The following SMYD1 variants were observed in gnomAD, a reference collection of about 807,000 sequenced individuals.
SMYD1 encodes the protein SET and MYND domain containing 1.
A neutral mutation model predicts 54.0 loss-of-function variants in SMYD1; 49 were observed. The observed-to-expected ratio is 0.91, with a 90% CI of 0.72 to 1.15. The LOEUF (loss-of-function observed/expected upper bound fraction) is 1.15, where lower values mean the gene tolerates loss of function less well. SMYD1 is among the 50% of genes most tolerant of loss of function. The probability of loss-of-function intolerance (pLI) is 0.00; values close to 1 mark genes in which losing one functional copy is unlikely to be tolerated. For missense variants in SMYD1, 653 were observed against 639.6 expected, an observed-to-expected ratio of 1.02 and a Z score of -0.23; for synonymous variants, 269 against 234.2, an observed-to-expected ratio of 1.15 and a Z score of -1.36.
chr2:88,069,845 A>G (rs1673907803), intron 1 of SMYD1, among the ~76,000 whole-genome samples: 1 of 152,202 alleles, frequency 6.6e-6, no homozygotes, highest in Non-Finnish European at 1.5e-5. Flanking sequence ...TAATTTTGAC[A>G]TCTTCTGTGC....
At chr2:88,070,942 CAAAAAAAAA>C (rs61024525) in intron 1 of SMYD1, among the ~76,000 whole-genome samples, 26 of 60,132 alleles carry the variant, frequency 4.3e-4, no homozygotes, top group Non-Finnish European at 7.2e-4. Context: ...GACTATTTCT[CAAAAAAAAA>C]AAAAAAAAAA....
intron 5 of SMYD1, 123 bp downstream of exon 5, chr2:88,093,678 C>T (rs538439379): frequency 1.9e-4 from 199 of 1,021,276 alleles, no homozygotes; most frequent in Non-Finnish European, 2.9e-4. Context: ...CCTTCTGCAT[C>T]CCAGTGTCTC....
intron 2 of SMYD1, among the ~76,000 whole-genome samples, chr2:88,086,951 A>C (rs1257723044): frequency 2.0e-5 from 3 of 148,910 alleles, no homozygotes; most frequent in Non-Finnish European, 4.5e-5. Flanking sequence ...GTCATCTAGC[A>C]TTAGGTACAT....
At chr2:88,083,119 T>A (rs1674237669) in intron 1 of SMYD1, 1 of 152,170 alleles carries the variant, frequency 6.6e-6, no homozygotes, top group African/African-American at 2.4e-5. Context: ...CTGTTTAGAC[T>A]GTGGACATCT....
At chr2:88,088,219 A>T in intron 3 of SMYD1, 144 bp downstream of exon 3, 1 of 1,000,432 alleles carries the variant, frequency 1.0e-6, no homozygotes, top group Non-Finnish European at 1.4e-6. Context: ...CTATTTCCAT[A>T]AAGGTCTCAT....
chr2:88,086,477 C>T (rs544948682), intron 2 of SMYD1, among the ~76,000 whole-genome samples: 1 of 152,198 alleles, frequency 6.6e-6, no homozygotes, highest in African/African-American at 2.4e-5. Flanking sequence ...GTGAAGTATA[C>T]CCCTTTGTCT....
chr2:88,071,578 C>T (rs143293659), intron 1 of SMYD1, among the ~76,000 whole-genome samples: 1 of 152,310 alleles, frequency 6.6e-6, no homozygotes, highest in Non-Finnish European at 1.5e-5. Context: ...CACCTTCCTC[C>T]TGAACTCCAA....
chr2:88,078,229 C>T (rs992712917), intron 1 of SMYD1, among the ~76,000 whole-genome samples: 2 of 152,214 alleles, frequency 1.3e-5, no homozygotes, highest in Non-Finnish European at 2.9e-5. Context: ...TATCCAGTGC[C>T]AGGCTCTGTG....
intron 1 of SMYD1, among the ~76,000 whole-genome samples, chr2:88,069,347 G>T (rs2103972681): frequency 6.6e-6 from 1 of 152,296 alleles, no homozygotes; most frequent in Non-Finnish European, 1.5e-5. Flanking sequence ...GGTGTGAACT[G>T]GGGCATATGG....
rs767776742 is a variant in SMYD1, at chr2:88,106,463, G to C, written c.1120G>C (p.Ala374Pro). 2.5e-6 allele frequency: 4 copies of C among 1,614,136 alleles called. No homozygotes were observed. Among genetic ancestry groups the C allele is most frequent in the Non-Finnish European group, 3.4e-6 (4 of 1,179,984 alleles). The part of the protein sequence containing the change: ...LQAFEEASFY[A>P]RRMVDGYMKL... Reference sequence around the variant, plus strand: ...GGCCTTTGAGGAGGCCTCGTTCTATGCCAGGAGGATGGTGGACGGCTATAT... The same window carrying C: ...GGCCTTTGAGGAGGCCTCGTTCTATCCCAGGAGGATGGTGGACGGCTATAT... Residue 374 changes from alanine (A) to proline (P), a missense_variant, in exon 8 of 10, where the codon GCC becomes CCC. Coordinates refer to ENST00000419482, the MANE Select transcript of SMYD1 (RefSeq NM_198274.4).
chr2:88,103,952 C>CATTTCT (rs1250051309), intron 7 of SMYD1, among the ~76,000 whole-genome samples: 1 of 151,730 alleles, frequency 6.6e-6, no homozygotes, highest in East Asian at 1.9e-4. Flanking sequence ...AATTTCTATT[C>CATTTCT]ATTTCTATTT....
intron 1 of SMYD1, among the ~76,000 whole-genome samples, chr2:88,074,364 T>C (rs1314707321): frequency 1.3e-5 from 2 of 152,212 alleles, no homozygotes; most frequent in African/African-American, 4.8e-5. Context: ...AAGCCAGCAG[T>C]GTAACATCTT....
intron 6 of SMYD1, among the ~76,000 whole-genome samples, chr2:88,100,200 C>T (rs1231206051): frequency 2.0e-5 from 3 of 152,130 alleles, no homozygotes; most frequent in African/African-American, 7.2e-5. Context: ...GTGGAACAGC[C>T]CCGTTTCCTT....
chr2:88,101,035 AC>A (rs1674708207), intron 6 of SMYD1, among the ~76,000 whole-genome samples: 2 of 152,046 alleles, frequency 1.3e-5, no homozygotes, highest in Admixed American at 6.5e-5. Flanking sequence ...CAAATATAGT[AC>A]CCCTTTCCTT....
Position 88,112,231 on chromosome 2 carries a change from C to G in SMYD1, c.*1719C>G, listed in dbSNP as rs1320865501. The G allele has an allele frequency of 5.8e-6, 4 of 687,596 alleles. No individual in the cohort carries two copies. The highest frequency in any genetic ancestry group is 1.1e-5 in the Non-Finnish European group (4 of 374,396). 42.6% of individuals were successfully genotyped at this position (687,596 alleles called of 1,614,324 possible). The stretch of plus-strand genomic sequence containing the variant: ...TTTTACCTTCATATAAAATGTCTCC[C>G]CCAAACCTTTTTCCCTTCTTTGTCA... On this transcript the variant is annotated 3_prime_UTR_variant, in exon 10 of 10. Coordinates refer to ENST00000419482, the MANE Select transcript of SMYD1 (RefSeq NM_198274.4).
rs1675048928 is a variant in SMYD1 at position 88,112,419 on chromosome 2, C to G, written c.*1907C>G. 1 of 452,474 alleles carries G rather than the reference C, an allele frequency of 2.2e-6. No individual in the cohort carries two copies. The allele number at this position is 452,474 out of a possible 1,614,324, so 28.0% of individuals were successfully genotyped here. A position where few individuals can be genotyped will look rare whatever the true frequency, so the allele number is the denominator to read the frequency against. On this transcript the variant is annotated 3_prime_UTR_variant, in exon 10 of 10. Transcript: ENST00000419482. ...AAGTCCTTCTTCCCTTTGGAATGTA[C>G]TCTGGATCCCTTCCCCTGCTTTGAC...
chr2:88,095,266 A>G (rs1674555085), intron 5 of SMYD1, among the ~76,000 whole-genome samples: 1 of 152,202 alleles, frequency 6.6e-6, no homozygotes, highest in South Asian at 2.1e-4. Context: ...GGTAAGGAAC[A>G]AAGGAAAGGA....
intron 1 of SMYD1, among the ~76,000 whole-genome samples, chr2:88,079,853 C>G (rs931911607): frequency 2.0e-5 from 3 of 152,120 alleles, no homozygotes; most frequent in African/African-American, 7.2e-5. Context: ...AAAAGTCAAT[C>G]TGTTTTTTGT....
chr2:88,075,568 C>T (rs1163498327), intron 1 of SMYD1, among the ~76,000 whole-genome samples: 1 of 44,064 alleles, frequency 2.3e-5, no homozygotes, highest in Non-Finnish European at 6.4e-5. Flanking sequence ...GATAGGGTCT[C>T]ACTCTGTTGG....
Sources: allele counts gnomAD v4.1 joint callset (sites outside exome capture counted in the v4.1 genomes callset), GRCh38; gene constraint gnomAD v4.1.1; transcripts MANE v1.5; gene names NCBI Gene and HGNC (gene_info 2026-07-23, HGNC 2026-07-21).